SLBP: variants seen among roughly 807,000 people sequenced by gnomAD.
SLBP encodes histone RNA hairpin-binding protein.
SLBP carries 29 observed loss-of-function variants against 39.2 expected under a neutral mutation model. The ratio of observed to expected loss-of-function variants is 0.74; its 90% CI spans 0.55 to 1.01. SLBP has a LOEUF of 1.01. SLBP is among the 50% of genes least tolerant of loss of function. The pLI, the probability that SLBP is intolerant of heterozygous loss-of-function variation, is 0.00. For synonymous variants in SLBP, 129 were observed against 118.7 expected (o/e 1.09, Z -0.57); for missense variants, 390 against 350.2 (o/e 1.11, Z -0.91).
chr4:1,712,270 C>A lies in SLBP; in HGVS notation c.-82G>T, dbSNP rs560781279. 911 of 900,774 alleles carry A rather than the reference C, an allele frequency of 1.0e-3. 8 individuals carry two copies. The African/African-American group carries it at 0.014, about 14-fold the overall frequency. The allele number at this position is 900,774 out of a possible 1,614,324, so 55.8% of individuals were successfully genotyped here. A position where few individuals can be genotyped will look rare whatever the true frequency, so the allele number is the denominator to read the frequency against. On this transcript the variant is annotated 5_prime_UTR_variant, in exon 1 of 8. Coordinates refer to ENST00000489418, the MANE Select transcript of SLBP (RefSeq NM_006527.4). ...GCAGAGAGCGCAGAGTAGAGCAGGG[C>A]AGGGCCTGAGGCAGAAACCCGCGTC...
rs112362578 is a variant in SLBP, at chr4:1,696,102, G to C, written c.629+100C>G. The C allele has an allele frequency of 4.1e-5, 42 of 1,018,426 alleles. No homozygotes were observed. In the African/African-American group the frequency reaches 5.4e-4, roughly 13 times the overall value. The allele number at this position is 1,018,426 out of a possible 1,614,324, so 63.1% of individuals were successfully genotyped here. A position where few individuals can be genotyped will look rare whatever the true frequency, so the allele number is the denominator to read the frequency against. ...GCTGCTCTGCTCCCCAACAGCTGCT[G>C]GGGGACTTGGCACCAGACCTCCTGT... is the stretch of plus-strand genomic sequence containing the variant. On this transcript the variant is annotated intron_variant, in intron 6 of 7. Transcript: ENST00000489418.
chr4:1,697,518 A>C lies in SLBP; in HGVS notation c.480-1167T>G, dbSNP rs563797062. On this transcript the variant is annotated intron_variant, in intron 5 of 7. Transcript: ENST00000489418. ...CAACTGAGATCCTACAAAATGAACA[A>C]ATATGTTTAAAAAAATTAAAAAATT... 7.2e-4 allele frequency among the ~76,000 whole-genome samples: 109 copies of C among 151,854 alleles called. 1 individual carries two copies. Among genetic ancestry groups the C allele is most frequent in the South Asian group, 2.1e-3 (10 of 4,808 alleles).
At chr4:1,699,922 C>T (rs756254093) in intron 4 of SLBP, 89 bp downstream of exon 4, 66 of 966,658 alleles carry the variant, frequency 6.8e-5, no homozygotes, top group Non-Finnish European at 9.7e-5. Flanking sequence ...GCTACTGCGA[C>T]AGTCAGCATT....
intron 2 of SLBP, among the ~76,000 whole-genome samples, chr4:1,710,126 G>A (rs1485891457): frequency 5.9e-5 from 9 of 151,316 alleles, no homozygotes; most frequent in African/African-American, 1.7e-4. Flanking sequence ...TGATGGGCCC[G>A]CCTTGGCCTC....
rs1715994442 is a variant in SLBP, at chr4:1,693,532, G to A, written c.*65C>T. 2.2e-6 allele frequency: 2 copies of A among 913,864 alleles called. No individual in the cohort carries two copies. The highest frequency in any genetic ancestry group is 3.7e-6 in the Non-Finnish European group (2 of 544,950). The allele number at this position is 913,864 out of a possible 1,614,324, so 56.6% of individuals were successfully genotyped here. A position where few individuals can be genotyped will look rare whatever the true frequency, so the allele number is the denominator to read the frequency against. On this transcript the variant is annotated 3_prime_UTR_variant, in exon 8 of 8. Transcript: ENST00000489418. The stretch of plus-strand genomic sequence containing the variant: ...AGGTACAAGTGCACACACATGCTTG[G>A]TGCCTGGCCAGCCTTCCACCTAGTC...
Position 1,693,453 on chromosome 4 carries a change from G to T in SLBP, c.*144C>A. 1 of 638,124 alleles carries T rather than the reference G, an allele frequency of 1.6e-6. No individual in the cohort carries two copies. The allele number at this position is 638,124 out of a possible 1,614,324, so 39.5% of individuals were successfully genotyped here. A position where few individuals can be genotyped will look rare whatever the true frequency, so the allele number is the denominator to read the frequency against. On this transcript the variant is annotated 3_prime_UTR_variant, in exon 8 of 8. Coordinates refer to ENST00000489418, the MANE Select transcript of SLBP (RefSeq NM_006527.4). ...CATAAAATTAATGTTTCTTAAGAAA[G>T]TAAGGCAAAAATAATTCAGCATGAG...
chr4:1,712,149 G>A lies in SLBP; in HGVS notation c.40C>T (p.Arg14Cys). 3.2e-6 allele frequency: 4 copies of A among 1,231,294 alleles called. No homozygotes were observed. The highest frequency in any genetic ancestry group is 8.6e-5 in the Admixed American group (2 of 23,232). 76.3% of individuals were successfully genotyped at this position (1,231,294 alleles called of 1,614,324 possible). ...RPRSPPRHQS[R>C]CDGDASPPSP... is the part of the protein sequence containing the mutation. The stretch of plus-strand genomic sequence containing the variant: ...CCTCACCTGGCGTCACCGTCGCAGC[G>A]GCTCTGATGCCTCGGCGGGCTTCGC... Residue 14 changes from arginine (R) to cysteine (C), a missense_variant, in exon 1 of 8, where the codon CGC becomes TGC. Arg to Cys is a radical substitution (Grantham distance 180, BLOSUM62 -3). Transcript: ENST00000489418.
At chr4:1,698,179 G>T (rs1333094673) in intron 5 of SLBP, among the ~76,000 whole-genome samples, 3 of 151,664 alleles carry the variant, frequency 2.0e-5, no homozygotes, top group Non-Finnish European at 4.4e-5. Context: ...GGCCAATATG[G>T]TAAAACCCCA....
At chr4:1,700,986 T>C (rs1411079581) in intron 3 of SLBP, among the ~76,000 whole-genome samples, 1 of 152,092 alleles carries the variant, frequency 6.6e-6, no homozygotes. Flanking sequence ...AAGTAATTTA[T>C]CTCCCGTGCA....
intron 3 of SLBP, among the ~76,000 whole-genome samples, chr4:1,700,407 TC>T (rs1448606446): frequency 1.3e-5 from 2 of 152,118 alleles, no homozygotes; most frequent in Non-Finnish European, 2.9e-5. Flanking sequence ...CCCCCTTTTC[TC>T]TTGTTCCTCA....
intron 6 of SLBP, 106 bp from the exon 7 acceptor site, chr4:1,694,946 A>G (rs1278546999): frequency 2.9e-5 from 23 of 780,536 alleles, no homozygotes; most frequent in Non-Finnish European, 4.2e-5. Context: ...CAACACTGAC[A>G]GTGTGCCCGA....
intron 2 of SLBP, among the ~76,000 whole-genome samples, chr4:1,710,818 G>T (rs1385238495): frequency 6.6e-6 from 1 of 152,008 alleles, no homozygotes. Flanking sequence ...GGGTGGCCAA[G>T]GTGGGTGGAT....
rs1040541370 is a variant in SLBP, at chr4:1,693,246, A to C, written c.*351T>G. Reference sequence around the variant, plus strand: ...CCCATGGATTACATGGTTAAATCCAAAACAGTCCACCTGACAAGCAATAAC... The same window carrying C: ...CCCATGGATTACATGGTTAAATCCACAACAGTCCACCTGACAAGCAATAAC... On this transcript the variant is annotated 3_prime_UTR_variant, in exon 8 of 8. Transcript: ENST00000489418. 4.8e-6 allele frequency: 1 copy of C among 207,080 alleles called. No homozygotes were observed. Among genetic ancestry groups the C allele is most frequent in the South Asian group, 8.3e-5 (1 of 12,096 alleles). 12.8% of individuals were successfully genotyped at this position (207,080 alleles called of 1,614,324 possible).
intron 5 of SLBP, among the ~76,000 whole-genome samples, chr4:1,698,862 G>T (rs186179943): frequency 6.6e-6 from 1 of 151,932 alleles, no homozygotes; most frequent in South Asian, 2.1e-4. Context: ...GTGATTAATG[G>T]TTCACTGTAA....
rs769526643 is a variant in SLBP at position 1,711,908 on chromosome 4, C to T, written c.142G>A (p.Ala48Thr). 1.2e-5 allele frequency: 17 copies of T among 1,367,166 alleles called. No homozygotes were observed. The highest frequency in any genetic ancestry group is 1.6e-5 in the South Asian group (1 of 61,558). 84.7% of individuals were successfully genotyped at this position (1,367,166 alleles called of 1,614,324 possible). ...CTGCGCTCGGCGCCGCGGTGCTCTG[C>T]CTCCTCGGCGTCTTCGGGCCTCCAG... ...RRWRPEDAEE[A>T]EHRGAERRPE... The change falls in exon 2 of 8, where the codon GCA becomes ACA. Residue 48 changes from alanine (A) to threonine (T), a missense_variant. By Grantham distance (58) the Ala-to-Thr change is moderately conservative (BLOSUM62 0). Transcript: ENST00000489418.
chr4:1,693,853 A>T, intron 7 of SLBP, 140 bp from the exon 8 acceptor site: 1 of 643,374 alleles, frequency 1.6e-6, no homozygotes, highest in Non-Finnish European at 2.8e-6. Flanking sequence ...ACTGAGACAG[A>T]TTTTAATAAT....
rs1299118064 is a variant in SLBP at position 1,694,659 on chromosome 4, G to A, written c.696+115C>T. 3 of 767,162 alleles carry A rather than the reference G, an allele frequency of 3.9e-6. No homozygotes were observed. The Admixed American group carries it at 5.7e-5, about 15-fold the overall frequency. 47.5% of individuals were successfully genotyped at this position (767,162 alleles called of 1,614,324 possible). A position where few individuals can be genotyped will look rare whatever the true frequency, so the allele number is the denominator to read the frequency against. The stretch of plus-strand genomic sequence containing the variant: ...GCCTGCCTTGGCCTCCCAAGGTGCT[G>A]GGATTACAGGCGTGAGCCACCGTGC... On this transcript the variant is annotated intron_variant, in intron 7 of 7. Transcript: ENST00000489418.
intron 5 of SLBP, among the ~76,000 whole-genome samples, chr4:1,697,243 A>C (rs1024627604): frequency 1.3e-5 from 2 of 149,776 alleles, no homozygotes; most frequent in Non-Finnish European, 3.0e-5. Context: ...TGAGGCAGGC[A>C]GATCACCTGA....
intron 3 of SLBP, among the ~76,000 whole-genome samples, chr4:1,701,109 G>A (rs1206400349): frequency 6.7e-6 from 1 of 149,250 alleles, no homozygotes; most frequent in Admixed American, 6.7e-5. Context: ...AGAAAGACTG[G>A]TTTTCAGGTA....
Sources: allele counts gnomAD v4.1 joint callset (sites outside exome capture counted in the v4.1 genomes callset), GRCh38; gene constraint gnomAD v4.1.1; transcripts MANE v1.5; gene names NCBI Gene and HGNC (gene_info 2026-07-23, HGNC 2026-07-21).